Variants in FLNB observed in about 807,000 individuals in gnomAD.
The protein encoded by FLNB is filamin B.
A neutral mutation model predicts 250.6 loss-of-function variants in FLNB; 111 were observed. The ratio of observed to expected loss-of-function variants is 0.44; its 90% confidence interval spans 0.38 to 0.52. The LOEUF is 0.52. Ranked by LOEUF, FLNB falls within the 20% of genes least tolerant of loss-of-function variation. FLNB has a pLI of 0.00. For synonymous variants in FLNB, 1,302 were observed against 1,372.1 expected, an observed-to-expected ratio of 0.95 and a Z score of 1.13; for missense variants, 2,869 against 3,447.8, an observed-to-expected ratio of 0.83 and a Z score of 4.20.
chr3:58,130,327 C>G (rs1207389815), intron 24 of FLNB, among the ~76,000 whole-genome samples: 1 of 152,154 alleles, frequency 6.6e-6, no homozygotes, highest in Non-Finnish European at 1.5e-5. Flanking sequence ...TGAAGCACCT[C>G]TCTGTCTGCT....
At position 58,039,310 on chromosome 3, in the gene FLNB, TAAAAA is replaced by T. The variant is rs80189625; in HGVS notation, c.292+30465_292+30469del. ...TCTCGTTGGATTAGAATTTGATAGG[TAAAAA>T]AAAAAAAAAAGGTGTAGAAAAGTGA... is the stretch of plus-strand genomic sequence containing the variant. On this transcript the variant is annotated intron_variant, in intron 1 of 45. Coordinates refer to ENST00000295956, the MANE Select transcript of FLNB (RefSeq NM_001457.4). Among the ~76,000 whole-genome samples, 4 of 128,340 alleles carry T rather than the reference TAAAAA, an allele frequency of 3.1e-5. No homozygotes were observed. The East Asian group carries it at 8.9e-4, about 29-fold the overall frequency. The allele number at this position is 128,340 out of a possible 152,430, so 84.2% of individuals were successfully genotyped here. A position where few individuals can be genotyped will look rare whatever the true frequency, so the allele number is the denominator to read the frequency against.
At chr3:58,100,594 T>TC (rs1408756616) in intron 8 of FLNB, among the ~76,000 whole-genome samples, 4 of 138,152 alleles carry the variant, frequency 2.9e-5, no homozygotes, top group African/African-American at 5.7e-5. Context: ...TTTTTCTTTT[T>TC]TTTTTTGTTT....
At chr3:58,109,090 G>T in intron 13 of FLNB, 89 bp from the exon 14 acceptor site, 1 of 1,528,224 alleles carries the variant, frequency 6.5e-7, no homozygotes, top group South Asian at 1.1e-5. Context: ...AGCAAGTGGT[G>T]ACTTGGCTGT....
Position 58,169,562 on chromosome 3 carries a change from G to C in FLNB, c.7418-28G>C. ...GACCCCTCTTGATCTGGCCATTCAT[G>C]CCTGTCCCCCTCCCTCCTGTATCTT... On this transcript the variant is annotated intron_variant, in intron 44 of 45. Coordinates refer to ENST00000295956, the MANE Select transcript of FLNB (RefSeq NM_001457.4). The surrounding 1 kb of genome is among the most constrained non-coding windows in gnomAD (Gnocchi z 4.8). 6.3e-7 allele frequency: 1 copy of C among 1,593,066 alleles called. No homozygotes were observed. Among genetic ancestry groups the C allele is most frequent in the Non-Finnish European group, 8.6e-7 (1 of 1,160,788 alleles).
At chr3:58,152,279 C>T (rs2107284426) in intron 38 of FLNB, among the ~76,000 whole-genome samples, 1 of 152,296 alleles carries the variant, frequency 6.6e-6, no homozygotes, top group East Asian at 1.9e-4. Context: ...CCTCCGGACC[C>T]AGGTTTTGCG....
At chr3:58,008,887 C>T in intron 1 of FLNB, 31 bp downstream of exon 1, 1 of 1,612,606 alleles carries the variant, frequency 6.2e-7, no homozygotes, top group African/African-American at 1.3e-5. Flanking sequence ...CAGGCGCCCA[C>T]TGTGGTGCCG....
rs1335287221 is a variant in FLNB at position 58,169,709 on chromosome 3, A to C, written c.7537A>C (p.Ser2513Arg). 6.2e-7 allele frequency: 1 copy of C among 1,614,074 alleles called. No individual in the cohort carries two copies. The highest frequency in any genetic ancestry group is 1.1e-5 in the South Asian group (1 of 91,080). Residue 2513 changes from serine to arginine, a missense_variant, in exon 45 of 46, where the codon AGC (serine) becomes CGC (arginine). By Grantham distance (110) the Ser-to-Arg change is moderately radical. Coordinates refer to ENST00000295956, the MANE Select transcript of FLNB (RefSeq NM_001457.4). The surrounding 1 kb of genome is among the most constrained non-coding windows in gnomAD (Gnocchi z 4.8). ...SAIPKASSDASKVTSKGAGLS... is the reference protein window; with the variant it reads ...SAIPKASSDARKVTSKGAGLS... ...CATTCCCAAGGCATCCTCGGACGCC[A>C]GCAAGGTGACCTCTAAGGGGGCAGG... is the stretch of plus-strand genomic sequence containing the variant.
intron 18 of FLNB, 107 bp downstream of exon 18, chr3:58,112,425 A>C: frequency 8.5e-7 from 1 of 1,179,244 alleles, no homozygotes; most frequent in East Asian, 2.3e-5. Context: ...GTGCTCTGCC[A>C]AAGTGCTCCC....
intron 43 of FLNB, chr3:58,165,554 A>G (rs551586217): frequency 6.6e-6 from 1 of 152,298 alleles, no homozygotes; most frequent in South Asian, 2.1e-4. Context: ...CTTCTGAACA[A>G]AGCAAACCTC....
chr3:58,087,907 A>C (rs747958948), intron 4 of FLNB, among the ~76,000 whole-genome samples: 17 of 151,354 alleles, frequency 1.1e-4, no homozygotes, highest in Non-Finnish European at 2.1e-4. Flanking sequence ...CACCCCGCCA[A>C]TTTTGTATTT....
intron 4 of FLNB, among the ~76,000 whole-genome samples, chr3:58,084,679 G>T (rs1464255842): frequency 6.6e-6 from 1 of 151,894 alleles, no homozygotes; most frequent in Non-Finnish European, 1.5e-5. Context: ...TCACGTTGTT[G>T]TGCAACCGCC....
In FLNB at chr3:58,138,400, C is replaced by T. The variant is rs371476539; in HGVS notation, c.4980C>T (p.Ala1660=). ...TTCTGACCCCAGATGGCACTGAGGC[C>T]GAGGCCGATGTCATTGAGAATGAAG... ...CTVLTPDGTE[A]EADVIENEDG... The change falls in exon 29 of 46, where the codon GCC becomes GCT. Residue 1660 remains alanine (A), a synonymous_variant. Coordinates refer to ENST00000295956, the MANE Select transcript of FLNB (RefSeq NM_001457.4). 24 of 1,614,068 alleles carry T rather than the reference C, an allele frequency of 1.5e-5. No individual in the cohort carries two copies. The highest frequency in any genetic ancestry group is 3.3e-5 in the South Asian group (3 of 91,092).
chr3:58,155,067 C>G, intron 40 of FLNB, 139 bp downstream of exon 40: 1 of 860,548 alleles, frequency 1.2e-6, no homozygotes, highest in Non-Finnish European at 1.9e-6. Context: ...CCTAGAAATC[C>G]AGTTGCAAGA....
intron 10 of FLNB, 95 bp from the exon 11 acceptor site, chr3:58,104,985 A>G: frequency 6.5e-7 from 1 of 1,535,442 alleles, no homozygotes; most frequent in Non-Finnish European, 9.0e-7. Context: ...AGGATCAGGC[A>G]AGTGGAAAGA....
chr3:58,074,172 A>T (rs1024778953), intron 1 of FLNB, among the ~76,000 whole-genome samples: 3 of 152,246 alleles, frequency 2.0e-5, no homozygotes, highest in African/African-American at 7.2e-5. Flanking sequence ...GACCCAGACC[A>T]AGAACATCAG....
At chr3:58,154,561 A>AC in intron 39 of FLNB, 3 of 469,410 alleles carry the variant, frequency 6.4e-6, no homozygotes, top group Non-Finnish European at 3.9e-6. Flanking sequence ...AAAAAAAAAA[A>AC]GACATGTCTT....
At chr3:58,159,730 C>A (rs1206869426) in intron 42 of FLNB, 44 bp downstream of exon 42, 1 of 1,605,056 alleles carries the variant, frequency 6.2e-7, no homozygotes, top group Non-Finnish European at 8.5e-7. Context: ...CAGCACTTTC[C>A]AGCAGAATGT....
intron 4 of FLNB, among the ~76,000 whole-genome samples, chr3:58,092,614 C>T (rs913596613): frequency 6.6e-6 from 1 of 152,148 alleles, no homozygotes; most frequent in African/African-American, 2.4e-5. Context: ...CCACTGTGCT[C>T]CAGCCTGGGC....
At chr3:58,063,519 G>T (rs184245261) in intron 1 of FLNB, among the ~76,000 whole-genome samples, 11 of 152,360 alleles carry the variant, frequency 7.2e-5, no homozygotes, top group African/African-American at 2.4e-4. Flanking sequence ...AAGTGTCAGT[G>T]TAGGTAAAGC....
Sources: gnomAD v4.1 joint callset for allele counts (sites outside exome capture counted in the v4.1 genomes callset) on GRCh38, gnomAD v4.1.1 for gene constraint, Gnocchi (gnomAD v3.1) non-coding constraint, MANE v1.5 for transcripts, NCBI Gene and HGNC (gene_info 2026-07-23, HGNC 2026-07-21) for gene names.